Variants in ZNF236 observed in about 807,000 individuals in gnomAD.
ZNF236 encodes regulated by glucose.
In ZNF236, 50 loss-of-function variants were observed where a neutral mutation model predicts 191.2. The observed-to-expected ratio is 0.26, with a 90% CI of 0.21 to 0.33. The LOEUF (loss-of-function observed/expected upper bound fraction) is 0.33. Among genes scored for constraint, ZNF236 ranks in the 10% least tolerant of loss-of-function variants. ZNF236 has a pLI of 1.00. For missense variants in ZNF236, 1,754 were observed against 2,374.5 expected (o/e 0.74, Z 5.43); for synonymous variants, 907 against 928.8 (o/e 0.98, Z 0.43).
intron 25 of ZNF236, among the ~76,000 whole-genome samples, chr18:76,933,297 C>A (rs555869759): frequency 3.9e-5 from 6 of 152,180 alleles, no homozygotes; most frequent in African/African-American, 1.4e-4. Flanking sequence ...GGTGAAACCC[C>A]GTCTCCATTA....
rs1298687425 is a variant in ZNF236 at position 76,971,974 on chromosome 18, G to A, written c.*3635G>A. 6.6e-6 allele frequency among the ~76,000 whole-genome samples: 1 copy of A among 152,214 alleles called. No individual in the cohort carries two copies. The highest frequency in any genetic ancestry group is 1.5e-5 in the Non-Finnish European group (1 of 68,038). On this transcript the variant is annotated 3_prime_UTR_variant, in exon 31 of 31. Coordinates refer to ENST00000320610, the MANE Select transcript of ZNF236 (RefSeq NM_001306089.2). The stretch of plus-strand genomic sequence containing the variant: ...AATCCAAGGATTGATCGTTGCGAAT[G>A]TATCCCTTTTCCAAGACCTACTGCA...
chr18:76,897,185 C>G (rs1437582698), intron 10 of ZNF236, among the ~76,000 whole-genome samples: 1 of 148,736 alleles, frequency 6.7e-6, no homozygotes, highest in Non-Finnish European at 1.5e-5. Context: ...ACAGTACTGC[C>G]CACTGGTACC....
chr18:76,955,911 C>T (rs1394289792), intron 27 of ZNF236, 74 bp from the exon 28 acceptor site: 11 of 1,477,964 alleles, frequency 7.4e-6, no homozygotes, highest in East Asian at 2.4e-5. Context: ...CTTATCACCA[C>T]GGTGTGTGTC....
intron 20 of ZNF236, among the ~76,000 whole-genome samples, chr18:76,922,542 G>T (rs927024502): frequency 6.7e-6 from 1 of 149,514 alleles, no homozygotes; most frequent in Admixed American, 6.7e-5. Context: ...GAGTTCTTGG[G>T]TTTTTTAAGG....
Position 76,915,629 on chromosome 18 carries a change from C to G in ZNF236, c.3062-18C>G. On this transcript the variant is annotated intron_variant, in intron 18 of 30. Transcript: ENST00000320610. ...ATAGGATTGGTTCCAGCCGTTTTTT[C>G]TGTTTCTGTGCTTGCAGGAGTGAAG... 2 of 1,605,976 alleles carry G rather than the reference C, an allele frequency of 1.2e-6. No individual in the cohort carries two copies.
intron 27 of ZNF236, among the ~76,000 whole-genome samples, chr18:76,949,420 T>C (rs1968350080): frequency 6.6e-6 from 1 of 152,180 alleles, no homozygotes; most frequent in Admixed American, 6.5e-5. Flanking sequence ...TAAAACTTGG[T>C]CTAGCTTGTA....
At chr18:76,860,643 G>T (rs1976190459) in intron 3 of ZNF236, among the ~76,000 whole-genome samples, 1 of 152,044 alleles carries the variant, frequency 6.6e-6, no homozygotes, top group African/African-American at 2.4e-5. Context: ...TCTGAACTTT[G>T]TGCAGCCTAC....
rs1599358779 is a variant in ZNF236 at position 76,880,067 on chromosome 18, TGAAGAGCAAAA to T, written c.985-45_985-35del. The T allele has an allele frequency of 2.0e-6, 3 of 1,536,530 alleles. No individual in the cohort carries two copies. The highest frequency in any genetic ancestry group is 8.8e-7 in the Non-Finnish European group (1 of 1,133,194). Reference sequence around the variant, plus strand: ...TTTTTTTTAATTTTCCTTTTTAAATTGAAGAGCAAAATTGTATTTTTAATGAAAATGTTTCT... The same window carrying T: ...TTTTTTTTAATTTTCCTTTTTAAATTTTGTATTTTTAATGAAAATGTTTCT... On this transcript the variant is annotated intron_variant, in intron 7 of 30. Coordinates refer to ENST00000320610, the MANE Select transcript of ZNF236 (RefSeq NM_001306089.2). This position sits in a 1 kb window ranked among gnomAD's most constrained non-coding sequence, Gnocchi z 5.0.
At position 76,850,734 on chromosome 18, in the gene ZNF236, C is replaced by T. The variant is rs150726211; in HGVS notation, c.199-1041C>T. 9.7e-3 allele frequency among the ~76,000 whole-genome samples: 1,473 copies of T among 152,032 alleles called. 18 individuals carry two copies. The highest frequency in any genetic ancestry group is 0.033 in the African/African-American group (1,380 of 41,454). On this transcript the variant is annotated intron_variant, in intron 2 of 30. Coordinates refer to ENST00000320610, the MANE Select transcript of ZNF236 (RefSeq NM_001306089.2). ...TCTCATGCCTCAGCTTCCCGAGTAG[C>T]TGGGATTACAGGCATGCACCACCAT...
intron 20 of ZNF236, 61 bp downstream of exon 20, chr18:76,920,119 TC>T: frequency 6.5e-7 from 1 of 1,535,892 alleles, no homozygotes; most frequent in Non-Finnish European, 8.8e-7. Flanking sequence ...AGGCAGCTGC[TC>T]CTTTGGTGAT....
At chr18:76,932,660 G>A (rs1389264569) in intron 25 of ZNF236, among the ~76,000 whole-genome samples, 2 of 152,174 alleles carry the variant, frequency 1.3e-5, no homozygotes, top group Non-Finnish European at 1.5e-5. Context: ...GAAACTGGCC[G>A]TCAGCAGTGC....
At position 76,971,183 on chromosome 18, in the gene ZNF236, CA is replaced by C. The variant is rs1444349227; in HGVS notation, c.*2845del. Among the ~76,000 whole-genome samples the C allele has an allele frequency of 1.3e-5, 2 of 152,216 alleles. No individual in the cohort carries two copies. Among genetic ancestry groups the C allele is most frequent in the African/African-American group, 4.8e-5 (2 of 41,454 alleles). On this transcript the variant is annotated 3_prime_UTR_variant, in exon 31 of 31. Coordinates refer to ENST00000320610, the MANE Select transcript of ZNF236 (RefSeq NM_001306089.2). ...GAGGCATGTAGCATGTGTGGAGTCC[CA>C]CCTGCTAGATAATGCCCAAGCGGCT...
At chr18:76,967,576 G>C (rs1599434359) in intron 30 of ZNF236, among the ~76,000 whole-genome samples, 4 of 8,542 alleles carry the variant, frequency 4.7e-4, no homozygotes, top group Admixed American at 1.4e-3. Flanking sequence ...GGTGTGATCT[G>C]TGAGATTTGT....
chr18:76,908,569 T>G lies in ZNF236; in HGVS notation c.2547T>G (p.Asp849Glu), dbSNP rs1452560191. The G allele has an allele frequency of 2.5e-6, 4 of 1,601,494 alleles. No homozygotes were observed. Among genetic ancestry groups the G allele is most frequent in the Non-Finnish European group, 3.4e-6 (4 of 1,174,050 alleles). Reference protein sequence around the residue: ...QQLADQPLEADEDGFVAPQDP... With the variant: ...QQLADQPLEAEEDGFVAPQDP... ...TGGCAGATCAGCCCCTGGAAGCAGA[T>G]GAAGGTAAATGTTTCAGGATATTTA... The change falls in exon 14 of 31, where the codon GAT becomes GAG. Residue 849 changes from aspartate to glutamate, a missense_variant. Asp to Glu is a conservative substitution (Grantham distance 45). Around this residue, in one of 5 missense-constraint regions of ZNF236, gnomAD observed 641 missense variants for 869.6 expected, o/e 0.74. Coordinates refer to ENST00000320610, the MANE Select transcript of ZNF236 (RefSeq NM_001306089.2).
At chr18:76,934,423 G>C (rs1967941476) in intron 25 of ZNF236, among the ~76,000 whole-genome samples, 1 of 152,144 alleles carries the variant, frequency 6.6e-6, no homozygotes, top group African/African-American at 2.4e-5. Flanking sequence ...GAGAAATTTA[G>C]CACAACTTTT....
chr18:76,914,379 T>C (rs186164537), intron 18 of ZNF236, among the ~76,000 whole-genome samples: 1 of 152,378 alleles, frequency 6.6e-6, no homozygotes, highest in East Asian at 1.9e-4. Flanking sequence ...AATCCTGCTA[T>C]GCACATTTGT....
intron 1 of ZNF236, among the ~76,000 whole-genome samples, chr18:76,837,279 G>T (rs1487420203): frequency 1.3e-5 from 2 of 151,990 alleles, no homozygotes; most frequent in African/African-American, 2.4e-5. Flanking sequence ...TCAAATTTAA[G>T]ACACTGTTGC....
At chr18:76,843,034 T>C (rs1212150288) in intron 1 of ZNF236, among the ~76,000 whole-genome samples, 3 of 152,214 alleles carry the variant, frequency 2.0e-5, no homozygotes, top group Non-Finnish European at 4.4e-5. Flanking sequence ...AGCATTTGGC[T>C]TTCTGAGGGA....
intron 26 of ZNF236, among the ~76,000 whole-genome samples, chr18:76,942,004 G>T (rs1262812361): frequency 6.6e-6 from 1 of 152,136 alleles, no homozygotes; most frequent in African/African-American, 2.4e-5. Flanking sequence ...CCATTTTATT[G>T]TCAAGAGATT....
Sources: allele counts gnomAD v4.1 joint callset (sites outside exome capture counted in the v4.1 genomes callset), GRCh38; gene constraint gnomAD v4.1.1; regional missense constraint gnomAD v4.1.1; non-coding constraint Gnocchi (gnomAD v3.1); transcripts MANE v1.5; gene names NCBI Gene and HGNC (gene_info 2026-07-23, HGNC 2026-07-21).